The following PLXNA4 variants were observed in gnomAD, a reference collection of about 807,000 sequenced individuals.
PLXNA4 encodes plexin A4.
PLXNA4 carries 44 observed loss-of-function variants against 191.8 expected under a neutral mutation model. That is an observed-to-expected ratio of 0.23 (90% confidence interval 0.18 to 0.29). The LOEUF is 0.29. PLXNA4 is among the 10% of genes least tolerant of loss of function. PLXNA4 has a pLI of 1.00. For missense variants in PLXNA4, 1,800 were observed against 2,488.8 expected (o/e 0.72, Z 5.89); for synonymous variants, 1,082 against 1,009.5 (o/e 1.07, Z -1.36).
chr7:132,314,947 G>T (rs757777195), intron 3 of PLXNA4, among the ~76,000 whole-genome samples: 2 of 152,152 alleles, frequency 1.3e-5, no homozygotes, highest in Non-Finnish European at 2.9e-5. Flanking sequence ...TCCTCCAATG[G>T]ACTGCAAGCA....
chr7:132,400,665 T>C (rs1294819713), intron 3 of PLXNA4, among the ~76,000 whole-genome samples: 2 of 152,166 alleles, frequency 1.3e-5, no homozygotes, highest in Non-Finnish European at 2.9e-5. Flanking sequence ...ACCATCCGTA[T>C]GCATACCACG....
intron 1 of PLXNA4, among the ~76,000 whole-genome samples, chr7:132,510,522 G>A (rs1409413327): frequency 1.3e-5 from 2 of 152,210 alleles, no homozygotes; most frequent in Admixed American, 6.5e-5. Flanking sequence ...GGGGCCCAAG[G>A]AGCAGATCCT....
At chr7:132,577,907 C>T (rs1802321233), upstream of PLXNA4, among the ~76,000 whole-genome samples, 2 of 152,280 alleles carry the variant, frequency 1.3e-5, no homozygotes, top group Admixed American at 1.3e-4. Context: ...ACACTGAGGG[C>T]ACAAGGCCCG....
intron 2 of PLXNA4, among the ~76,000 whole-genome samples, chr7:132,583,507 A>C (rs1438366991): frequency 6.6e-6 from 1 of 152,198 alleles, no homozygotes; most frequent in East Asian, 1.9e-4. Flanking sequence ...AGCTATCAGC[A>C]GGGCCAAGGC....
At chr7:132,647,426 A>C (rs541120985) in intron 1 of PLXNA4, among the ~76,000 whole-genome samples, 1 of 151,970 alleles carries the variant, frequency 6.6e-6, no homozygotes, top group South Asian at 2.1e-4. Context: ...CAATCACACT[A>C]TCATACACAT....
chr7:132,605,477 A>G (rs931528465), intron 2 of PLXNA4, among the ~76,000 whole-genome samples: 45 of 152,056 alleles, frequency 3.0e-4, no homozygotes, highest in African/African-American at 1.1e-3. Flanking sequence ...TAAGTGGTGG[A>G]AAGGTCAAGG....
intron 15 of PLXNA4, among the ~76,000 whole-genome samples, chr7:132,186,662 G>T (rs935867748): frequency 6.6e-6 from 1 of 152,310 alleles, no homozygotes; most frequent in East Asian, 1.9e-4. Flanking sequence ...TTCTGACATA[G>T]AAAAATTATC....
At chr7:132,170,297 C>A (rs761584846) in intron 21 of PLXNA4, among the ~76,000 whole-genome samples, 1 of 152,132 alleles carries the variant, frequency 6.6e-6, no homozygotes, top group Non-Finnish European at 1.5e-5. Flanking sequence ...CATGAGGGAC[C>A]CTGTGAGGAT....
At chr7:132,393,849 C>T (rs1793627525) in intron 3 of PLXNA4, among the ~76,000 whole-genome samples, 1 of 152,182 alleles carries the variant, frequency 6.6e-6, no homozygotes, top group Admixed American at 6.5e-5. Context: ...CAGACCATGG[C>T]AGCAGAGCCC....
chr7:132,365,102 G>A (rs1157013672), intron 3 of PLXNA4, among the ~76,000 whole-genome samples: 1 of 152,088 alleles, frequency 6.6e-6, no homozygotes, highest in African/African-American at 2.4e-5. Flanking sequence ...GCATTTCTGG[G>A]ATAGCAATGG....
At chr7:132,188,849 T>C (rs1324076336) in intron 14 of PLXNA4, among the ~76,000 whole-genome samples, 4 of 151,528 alleles carry the variant, frequency 2.6e-5, no homozygotes, top group African/African-American at 9.7e-5. Context: ...CAAAAAGTGG[T>C]GATCTTCAAG....
At chr7:132,571,034 C>T (rs1801955784) in intron 1 of PLXNA4, among the ~76,000 whole-genome samples, 1 of 152,040 alleles carries the variant, frequency 6.6e-6, no homozygotes, top group Non-Finnish European at 1.5e-5. Flanking sequence ...TTTTACTCAC[C>T]TCACAGTGTA....
At chr7:132,278,039 T>C (rs1448658341) in intron 4 of PLXNA4, among the ~76,000 whole-genome samples, 1 of 152,204 alleles carries the variant, frequency 6.6e-6, no homozygotes, top group East Asian at 1.9e-4. Flanking sequence ...CAATTAATAA[T>C]AAGTGTACCT....
At chr7:132,562,959 C>T (rs1482395745) in intron 1 of PLXNA4, among the ~76,000 whole-genome samples, 1 of 102,700 alleles carries the variant, frequency 9.7e-6, no homozygotes, top group Non-Finnish European at 1.9e-5. Context: ...CCTCCTCTCC[C>T]TCCTCCTCCT....
intron 1 of PLXNA4, among the ~76,000 whole-genome samples, chr7:132,560,453 G>T (rs1467535151): frequency 6.6e-6 from 1 of 152,130 alleles, no homozygotes; most frequent in Non-Finnish European, 1.5e-5. Context: ...CTTGAAAAAT[G>T]CAAGAATCTC....
intron 1 of PLXNA4, among the ~76,000 whole-genome samples, chr7:132,568,022 C>T (rs1801812834): frequency 6.6e-6 from 1 of 152,090 alleles, no homozygotes; most frequent in South Asian, 2.1e-4. Context: ...AGGTCACAAG[C>T]ACAGCATGAC....
rs1041132291 is a variant in PLXNA4 at position 132,179,875 on chromosome 7, G to A, written c.3686C>T (p.Ala1229Val). Residue 1229 changes from alanine to valine, a missense_variant, in exon 20 of 32, where the codon GCC (alanine) becomes GTC (valine). By Grantham distance (64) the Ala-to-Val change is moderately conservative. Around this residue, in one of 6 missense-constraint regions of PLXNA4, gnomAD observed 1,397 missense variants for 1,880.4 expected, o/e 0.74. Transcript: ENST00000321063. ...GGGCAGGCTGAGCGGGCTGTCCGGGGCAATGTACACCATCCCCGGGGAGTA... is the reference window on the plus strand; with the variant it reads ...GGGCAGGCTGAGCGGGCTGTCCGGGACAATGTACACCATCCCCGGGGAGTA... ...MEYSPGMVYI[A>V]PDSPLSLPAI... is the part of the protein sequence containing the mutation. The A allele has an allele frequency of 6.2e-7, 1 of 1,612,938 alleles. No individual in the cohort carries two copies. Among genetic ancestry groups the A allele is most frequent in the Non-Finnish European group, 8.5e-7 (1 of 1,179,936 alleles).
chr7:132,200,340 C>T (rs1019420229), intron 12 of PLXNA4, among the ~76,000 whole-genome samples: 3 of 152,152 alleles, frequency 2.0e-5, no homozygotes, highest in East Asian at 1.9e-4. Flanking sequence ...TGGGAGGAGC[C>T]GTTCCACAGA....
At chr7:132,327,617 A>G (rs1802424400) in intron 3 of PLXNA4, among the ~76,000 whole-genome samples, 1 of 152,146 alleles carries the variant, frequency 6.6e-6, no homozygotes, top group African/African-American at 2.4e-5. Context: ...AATATGCATC[A>G]AGGTTCTGCT....
Sources: gnomAD v4.1 joint callset for allele counts (sites outside exome capture counted in the v4.1 genomes callset) on GRCh38, gnomAD v4.1.1 for gene constraint, gnomAD v4.1.1 regional missense constraint, MANE v1.5 for transcripts, NCBI Gene and HGNC (gene_info 2026-07-23, HGNC 2026-07-21) for gene names.